The following CTNND2 variants were observed in gnomAD, a reference collection of about 807,000 sequenced individuals.
CTNND2 encodes the protein catenin delta 2.
A neutral mutation model predicts 144.4 loss-of-function variants in CTNND2; 22 were observed. That is an observed-to-expected ratio of 0.15 (90% CI 0.11 to 0.22). CTNND2 has a LOEUF of 0.22. Among genes scored for constraint, CTNND2 ranks in the 10% least tolerant of loss-of-function variants. CTNND2 has a pLI of 1.00. For missense variants in CTNND2, 1,353 were observed against 1,618.8 expected (o/e 0.84, Z 2.82); for synonymous variants, 751 against 695.6 (o/e 1.08, Z -1.25).
At chr5:11,573,219 G>A (rs1777714863) in intron 2 of CTNND2, among the ~76,000 whole-genome samples, 1 of 152,148 alleles carries the variant, frequency 6.6e-6, no homozygotes, top group African/African-American at 2.4e-5. Flanking sequence ...ATAAGTAATT[G>A]CTTAAAATAT....
intron 8 of CTNND2, among the ~76,000 whole-genome samples, chr5:11,350,364 A>T (rs967333085): frequency 4.0e-5 from 6 of 151,790 alleles, no homozygotes; most frequent in Non-Finnish European, 5.9e-5. Flanking sequence ...GAAAATAAAA[A>T]ATATATATAT....
At chr5:11,330,868 G>C (rs1753074670) in intron 9 of CTNND2, among the ~76,000 whole-genome samples, 1 of 151,798 alleles carries the variant, frequency 6.6e-6, no homozygotes, top group Non-Finnish European at 1.5e-5. Flanking sequence ...GAGCCTAAGT[G>C]TATGGACACT....
At chr5:11,554,840 T>C (rs2150090329) in intron 3 of CTNND2, among the ~76,000 whole-genome samples, 1 of 151,842 alleles carries the variant, frequency 6.6e-6, no homozygotes, top group East Asian at 1.9e-4. Context: ...ATGATGAATA[T>C]CAAAATGTAA....
chr5:11,118,285 T>A (rs1580335602), intron 12 of CTNND2, among the ~76,000 whole-genome samples: 1 of 152,188 alleles, frequency 6.6e-6, no homozygotes, highest in Non-Finnish European at 1.5e-5. Flanking sequence ...CCTGAGCATA[T>A]GTTGTTCTTC....
At chr5:11,702,945 C>G (rs1324673275) in intron 2 of CTNND2, among the ~76,000 whole-genome samples, 8 of 152,148 alleles carry the variant, frequency 5.3e-5, no homozygotes, top group Non-Finnish European at 4.4e-5. Context: ...AACTCTTAAC[C>G]AACATCCGCA....
At chr5:11,257,299 A>T (rs1305994670) in intron 9 of CTNND2, among the ~76,000 whole-genome samples, 1 of 152,212 alleles carries the variant, frequency 6.6e-6, no homozygotes, top group African/African-American at 2.4e-5. Context: ...AGCCATTGGC[A>T]CATGTGATAA....
At chr5:11,154,860 A>C (rs968581657) in intron 12 of CTNND2, among the ~76,000 whole-genome samples, 1 of 152,140 alleles carries the variant, frequency 6.6e-6, no homozygotes, top group African/African-American at 2.4e-5. Context: ...TTGTGGCTGC[A>C]ACACTCCAAT....
intron 1 of CTNND2, among the ~76,000 whole-genome samples, chr5:11,750,220 T>C (rs1788535875): frequency 6.6e-6 from 1 of 151,984 alleles, no homozygotes; most frequent in African/African-American, 2.4e-5. Flanking sequence ...CTTGCTGTTA[T>C]GACTTGTTTT....
intron 2 of CTNND2, among the ~76,000 whole-genome samples, chr5:11,612,583 T>C (rs1780384310): frequency 6.6e-6 from 1 of 152,184 alleles, no homozygotes; most frequent in Admixed American, 6.5e-5. Flanking sequence ...TGCTTACTAA[T>C]ACTACGATGC....
At chr5:11,085,811 G>GC (rs1750074836) in intron 15 of CTNND2, among the ~76,000 whole-genome samples, 1 of 152,184 alleles carries the variant, frequency 6.6e-6, no homozygotes, top group Admixed American at 6.5e-5. Context: ...TCCTGGACAA[G>GC]CCCCCCTCCA....
At chr5:11,669,788 C>A (rs531389097) in intron 2 of CTNND2, among the ~76,000 whole-genome samples, 3 of 152,074 alleles carry the variant, frequency 2.0e-5, no homozygotes, top group African/African-American at 7.2e-5. Flanking sequence ...TTGTCTTCTG[C>A]TAGCTTGTGA....
At chr5:11,374,574 T>C (rs1235510306) in intron 7 of CTNND2, among the ~76,000 whole-genome samples, 1 of 152,088 alleles carries the variant, frequency 6.6e-6, no homozygotes, top group African/African-American at 2.4e-5. Context: ...TTAATGGGCA[T>C]ATTCACACAG....
rs558037582 is a variant in CTNND2 at position 11,174,724 on chromosome 5, A to C, written c.1976-14965T>G. Among the ~76,000 whole-genome samples the C allele has an allele frequency of 2.0e-5, 3 of 152,356 alleles. No individual in the cohort carries two copies. In the East Asian group the frequency reaches 5.8e-4, roughly 29 times the overall value. Reference sequence around the variant, plus strand: ...GCAGAGCACGTCACAAGAGGGGATAAAAATCACTTATTTTAGGAATTTCCT... The same window carrying C: ...GCAGAGCACGTCACAAGAGGGGATACAAATCACTTATTTTAGGAATTTCCT... On this transcript the variant is annotated intron_variant, in intron 11 of 21. Transcript: ENST00000304623.
rs376821573 is a variant in CTNND2, at chr5:11,686,714, C to A, written c.174+45422G>T. Among the ~76,000 whole-genome samples, 299 of 149,826 alleles carry A rather than the reference C, an allele frequency of 2.0e-3. 2 individuals carry two copies. Among genetic ancestry groups the A allele is most frequent in the South Asian group, 0.01 (48 of 4,756 alleles). The stretch of plus-strand genomic sequence containing the variant: ...ATATACTTTATTAATGGAAGTAATG[C>A]ATATATAATTTTTTAACATCATGTT... On this transcript the variant is annotated intron_variant, in intron 2 of 21. Coordinates refer to ENST00000304623, the MANE Select transcript of CTNND2 (RefSeq NM_001332.4).
At chr5:11,068,811 G>T (rs1296400809) in intron 16 of CTNND2, among the ~76,000 whole-genome samples, 1 of 152,212 alleles carries the variant, frequency 6.6e-6, no homozygotes, top group East Asian at 1.9e-4. Flanking sequence ...CAGCTATGTG[G>T]GGGGCTGGGG....
At chr5:11,638,199 A>G (rs958751858) in intron 2 of CTNND2, among the ~76,000 whole-genome samples, 2 of 152,104 alleles carry the variant, frequency 1.3e-5, no homozygotes, top group African/African-American at 4.8e-5. Flanking sequence ...ACTGATCTGT[A>G]ATGCATTTGC....
At chr5:11,187,869 C>T (rs1299665791) in intron 11 of CTNND2, among the ~76,000 whole-genome samples, 2 of 152,164 alleles carry the variant, frequency 1.3e-5, no homozygotes, top group African/African-American at 2.4e-5. Context: ...CATCACTGAT[C>T]ACTAGAGAAA....
chr5:11,386,574 A>G (rs553426356), intron 6 of CTNND2, among the ~76,000 whole-genome samples: 1 of 152,204 alleles, frequency 6.6e-6, no homozygotes, highest in Non-Finnish European at 1.5e-5. Flanking sequence ...CATAGGAGGT[A>G]AACAGTTTGG....
chr5:11,832,436 TAAAC>T (rs1161075727), intron 1 of CTNND2, among the ~76,000 whole-genome samples: 2 of 151,354 alleles, frequency 1.3e-5, no homozygotes, highest in African/African-American at 4.9e-5. Context: ...AAAACAAAAA[TAAAC>T]AAATAAAAAC....
Sources: gnomAD v4.1 joint callset for allele counts (sites outside exome capture counted in the v4.1 genomes callset) on GRCh38, gnomAD v4.1.1 for gene constraint, MANE v1.5 for transcripts, NCBI Gene and HGNC (gene_info 2026-07-23, HGNC 2026-07-21) for gene names.